The following FAM114A1 variants were observed in gnomAD, a reference collection of about 807,000 sequenced individuals.
FAM114A1 encodes the protein family with sequence similarity 114 member A1, also known as protein NOXP20.
FAM114A1 carries 62 observed loss-of-function variants against 64.3 expected under a neutral mutation model. The ratio of observed to expected loss-of-function variants is 0.96; its 90% CI spans 0.79 to 1.19. The LOEUF is 1.19. Ranked by LOEUF, FAM114A1 falls within the 50% of genes most tolerant of loss-of-function variation. FAM114A1 has a pLI of 0.00. For synonymous variants in FAM114A1, 254 were observed against 251.1 expected (o/e 1.01, Z -0.11); for missense variants, 645 against 676.3 (o/e 0.95, Z 0.51).
At chr4:38,893,277 TC>T (rs1716572321) in intron 4 of FAM114A1, among the ~76,000 whole-genome samples, 1 of 152,184 alleles carries the variant, frequency 6.6e-6, no homozygotes, top group Non-Finnish European at 1.5e-5. Context: ...AAAAGGAGGT[TC>T]TAAAAGATTG....
At chr4:38,908,166 T>C (rs1035750003) in intron 6 of FAM114A1, among the ~76,000 whole-genome samples, 5 of 152,150 alleles carry the variant, frequency 3.3e-5, no homozygotes, top group African/African-American at 7.2e-5. Context: ...TTTAATAGAC[T>C]GCTCCAAGCA....
intron 7 of FAM114A1, among the ~76,000 whole-genome samples, chr4:38,911,358 C>T (rs1718510935): frequency 6.6e-6 from 1 of 152,216 alleles, no homozygotes. Flanking sequence ...GCCTTAGTGC[C>T]CTGCTGCACC....
chr4:38,904,210 T>C (rs1011762694), intron 4 of FAM114A1, among the ~76,000 whole-genome samples: 1 of 151,792 alleles, frequency 6.6e-6, no homozygotes, highest in Non-Finnish European at 1.5e-5. Flanking sequence ...GGATGGGGAG[T>C]TCTGTGATGA....
At chr4:38,881,929 C>T (rs952364805) in intron 3 of FAM114A1, among the ~76,000 whole-genome samples, 1 of 152,202 alleles carries the variant, frequency 6.6e-6, no homozygotes, top group African/African-American at 2.4e-5. Flanking sequence ...TGAGGAATGG[C>T]AGGTTCTGCA....
chr4:38,883,449 C>T (rs1715495272), intron 3 of FAM114A1, among the ~76,000 whole-genome samples: 3 of 151,642 alleles, frequency 2.0e-5, no homozygotes, highest in African/African-American at 4.9e-5. Flanking sequence ...GATTAAATTT[C>T]TCTGAATTCT....
chr4:38,928,470 ATATTT>A (rs1355190851), intron 9 of FAM114A1, among the ~76,000 whole-genome samples: 6 of 152,172 alleles, frequency 3.9e-5, no homozygotes, highest in Non-Finnish European at 8.8e-5. Context: ...ATGATATTTG[ATATTT>A]TAATACGTAT....
intron 13 of FAM114A1, among the ~76,000 whole-genome samples, chr4:38,937,492 C>T (rs1216165137): frequency 3.3e-5 from 5 of 152,150 alleles, no homozygotes; most frequent in East Asian, 1.9e-4. Context: ...ATTTGGTTAG[C>T]GCGTGACCAA....
chr4:38,913,396 T>G (rs1560314397), intron 7 of FAM114A1, among the ~76,000 whole-genome samples: 1 of 152,124 alleles, frequency 6.6e-6, no homozygotes, highest in Non-Finnish European at 1.5e-5. Context: ...AAGCTAATGT[T>G]CTTTTTTGTT....
At chr4:38,926,579 C>T (rs2109767459) in intron 9 of FAM114A1, among the ~76,000 whole-genome samples, 1 of 152,196 alleles carries the variant, frequency 6.6e-6, no homozygotes, top group South Asian at 2.1e-4. Flanking sequence ...CCTCAGCCTC[C>T]CAAGTAGCTG....
intron 13 of FAM114A1, among the ~76,000 whole-genome samples, chr4:38,936,977 G>T (rs1012716097): frequency 1.3e-5 from 2 of 152,182 alleles, no homozygotes; most frequent in African/African-American, 4.8e-5. Context: ...TTACTTGGAG[G>T]TATGGCCTCT....
chr4:38,921,150 A>C (rs1347981127), intron 8 of FAM114A1, among the ~76,000 whole-genome samples: 1 of 152,254 alleles, frequency 6.6e-6, no homozygotes, highest in Non-Finnish European at 1.5e-5. Context: ...TGCAGAATGA[A>C]AAAATAAAAC....
Position 38,922,859 on chromosome 4 carries a change from A to G in FAM114A1, c.1035A>G (p.Lys345=). Residue 345 remains lysine, a synonymous_variant, in exon 9 of 15, where the codon AAA becomes AAG. Coordinates refer to ENST00000358869, the MANE Select transcript of FAM114A1 (RefSeq NM_138389.4). ...LISIKDIFAA[K]ELENEENQEE... ...CCATTAAAGACATCTTTGCAGCCAA[A>G]GAATTAGAGAATGAAGAAAATCAAG... The G allele has an allele frequency of 1.2e-6, 2 of 1,612,272 alleles. No individual in the cohort carries two copies. Among genetic ancestry groups the G allele is most frequent in the South Asian group, 2.2e-5 (2 of 90,390 alleles).
rs1713576263 is a variant in FAM114A1 at position 38,867,817 on chromosome 4, T to C, written c.-175T>C. The C allele has an allele frequency of 6.5e-6, 1 of 152,694 alleles. No individual in the cohort carries two copies. Among genetic ancestry groups the C allele is most frequent in the Non-Finnish European group, 1.5e-5 (1 of 67,968 alleles). 9.5% of individuals were successfully genotyped at this position (152,694 alleles called of 1,614,324 possible). ...GGGACCCGCTGGGCACTCCCGCGCG[T>C]ACTCGGCCGCCTGAGCGGTAAGAGC... On this transcript the variant is annotated 5_prime_UTR_variant, in exon 1 of 15. Coordinates refer to ENST00000358869, the MANE Select transcript of FAM114A1 (RefSeq NM_138389.4).
Position 38,874,839 on chromosome 4 carries a change from T to C in FAM114A1, c.-8-3232T>C, listed in dbSNP as rs569553637. Among the ~76,000 whole-genome samples the C allele has an allele frequency of 2.2e-3, 330 of 152,246 alleles. 2 individuals carry two copies. Among genetic ancestry groups the C allele is most frequent in the African/African-American group, 7.5e-3 (313 of 41,550 alleles). On this transcript the variant is annotated intron_variant, in intron 2 of 14. Transcript: ENST00000358869. ...ATTTAAGTCTTTAGTCCATCTTGAG[T>C]TTATTTTTGTATATGGTATAAGGAA...
intron 7 of FAM114A1, among the ~76,000 whole-genome samples, chr4:38,912,603 T>C (rs1257733512): frequency 6.6e-6 from 1 of 152,062 alleles, no homozygotes; most frequent in South Asian, 2.1e-4. Flanking sequence ...AGGCTGGTCT[T>C]GAACTCCTGA....
rs1714869031 is a variant in FAM114A1, at chr4:38,878,310, C to A, written c.232C>A (p.Leu78Met). The A allele has an allele frequency of 6.2e-7, 1 of 1,614,126 alleles. No individual in the cohort carries two copies. Among genetic ancestry groups the A allele is most frequent in the Non-Finnish European group, 8.5e-7 (1 of 1,180,046 alleles). Reference sequence around the variant, plus strand: ...TGTGCAGCCTCAGGATGCCAACGCCCTGGAGCCCCCTCTCAATGGAGACGT... The same window carrying A: ...TGTGCAGCCTCAGGATGCCAACGCCATGGAGCCCCCTCTCAATGGAGACGT... The part of the protein sequence containing the change: ...PPVQPQDANA[L>M]EPPLNGDVTE... Residue 78 changes from leucine (L) to methionine (M), a missense_variant, in exon 3 of 15, where the codon CTG becomes ATG. Transcript: ENST00000358869.
chr4:38,881,215 A>G (rs1240526970), intron 3 of FAM114A1, among the ~76,000 whole-genome samples: 1 of 151,790 alleles, frequency 6.6e-6, no homozygotes, highest in Admixed American at 6.6e-5. Flanking sequence ...AAAAAAAAAA[A>G]TCAGTATGCT....
chr4:38,879,307 A>C (rs573480260), intron 3 of FAM114A1, among the ~76,000 whole-genome samples: 13 of 152,270 alleles, frequency 8.5e-5, no homozygotes, highest in African/African-American at 3.1e-4. Flanking sequence ...GCCACCACAG[A>C]TCACCCCCTT....
At chr4:38,917,149 C>CAAATAAATAAATAAAT (rs55953630) in intron 8 of FAM114A1, among the ~76,000 whole-genome samples, 6,070 of 143,044 alleles carry the variant, frequency 0.042, 202 homozygotes, top group African/African-American at 0.067. Flanking sequence ...ACTAAAAATA[C>CAAATAAATAAATAAAT]AAATAAATAA....
Sources: gnomAD v4.1 joint callset for allele counts (sites outside exome capture counted in the v4.1 genomes callset) on GRCh38, gnomAD v4.1.1 for gene constraint, MANE v1.5 for transcripts, NCBI Gene and HGNC (gene_info 2026-07-23, HGNC 2026-07-21) for gene names.